Variants in USP24 observed in about 807,000 individuals in gnomAD.
The protein encoded by USP24 is ubiquitin specific peptidase 24, also known as ubiquitin carboxyl-terminal hydrolase 24.
Under a neutral mutation model 361.6 loss-of-function variants are expected in USP24, and 97 were observed. That is an observed-to-expected ratio of 0.27 (90% CI 0.23 to 0.32). The LOEUF is 0.32. Ranked by LOEUF, USP24 falls within the 10% of genes least tolerant of loss-of-function variation. The pLI is 1.00. For missense variants in USP24, 2,353 were observed against 3,165.6 expected (o/e 0.74, Z 6.16); for synonymous variants, 1,098 against 1,124.6 (o/e 0.98, Z 0.47).
At chr1:55,211,051 C>A (rs551115036) in intron 1 of USP24, among the ~76,000 whole-genome samples, 2 of 152,260 alleles carry the variant, frequency 1.3e-5, no homozygotes, top group East Asian at 3.9e-4. Flanking sequence ...GTGAGATGCA[C>A]AGGATACCTG....
rs1401255765 is a variant in USP24 at position 55,083,839 on chromosome 1, T to C, written c.6815A>G (p.Lys2272Arg). 1.2e-6 allele frequency: 2 copies of C among 1,605,960 alleles called. No individual in the cohort carries two copies. Among genetic ancestry groups the C allele is most frequent in the South Asian group, 1.1e-5 (1 of 89,192 alleles). The change falls in exon 57 of 68, where the codon AAA becomes AGA. Residue 2272 changes from lysine to arginine, a missense_variant. By Grantham distance (26) the Lys-to-Arg change is conservative. This residue lies in a region of USP24 where 598 missense variants were observed against 761.9 expected (regional missense o/e 0.78). Transcript: ENST00000294383. Reference protein sequence around the residue: ...LLEVLLALLDKDVPENCKNCA... With the variant: ...LLEVLLALLDRDVPENCKNCA... ...GTTTTTACAATTTTCTGGGACGTCT[T>C]TGTCCAACAGAGCAAGTAGTACCTC...
intron 1 of USP24, among the ~76,000 whole-genome samples, chr1:55,205,769 T>A (rs534546148): frequency 6.6e-6 from 1 of 152,162 alleles, no homozygotes; most frequent in Non-Finnish European, 1.5e-5. Flanking sequence ...TAAAAACTCA[T>A]GAAGGAAAAA....
At chr1:55,146,232 C>T (rs754251360) in intron 19 of USP24, 123 bp from the exon 20 acceptor site, 49 of 572,138 alleles carry the variant, frequency 8.6e-5, no homozygotes, top group Non-Finnish European at 1.2e-4. Flanking sequence ...AAATACCACT[C>T]AAAGCTAAAA....
At chr1:55,172,546 G>A in intron 3 of USP24, 26 bp from the exon 4 acceptor site, 1 of 1,578,606 alleles carries the variant, frequency 6.3e-7, no homozygotes. Flanking sequence ...GGGCAATCTA[G>A]AGTCTAACTT....
intron 28 of USP24, among the ~76,000 whole-genome samples, chr1:55,136,493 G>C (rs1369810284): frequency 6.6e-6 from 1 of 152,206 alleles, no homozygotes; most frequent in Non-Finnish European, 1.5e-5. Context: ...GTAGAGAAGA[G>C]ACTGAACTGG....
chr1:55,070,397 C>G (rs977461284), intron 67 of USP24, among the ~76,000 whole-genome samples: 1 of 152,162 alleles, frequency 6.6e-6, no homozygotes, highest in African/African-American at 2.4e-5. Context: ...AGAGAAGGAA[C>G]AGCCAGAAGG....
intron 55 of USP24, among the ~76,000 whole-genome samples, chr1:55,088,755 C>A (rs1645307200): frequency 1.3e-5 from 2 of 152,178 alleles, no homozygotes; most frequent in Admixed American, 6.5e-5. Context: ...AAATGTTGAA[C>A]TTCCAAGGAC....
At chr1:55,093,819 GT>G in intron 52 of USP24, 117 bp downstream of exon 52, 1 of 1,397,594 alleles carries the variant, frequency 7.2e-7, no homozygotes, top group Non-Finnish European at 9.7e-7. Flanking sequence ...AGACAAGTGT[GT>G]AAGACGATGT....
intron 1 of USP24, among the ~76,000 whole-genome samples, chr1:55,199,296 C>CA (rs776190564): frequency 1.4e-3 from 208 of 148,932 alleles, no homozygotes; most frequent in Admixed American, 2.2e-3. Flanking sequence ...TTCCAAAAAA[C>CA]AAAAAAACAA....
chr1:55,087,357 C>A (rs567728646), intron 55 of USP24, among the ~76,000 whole-genome samples: 3 of 152,316 alleles, frequency 2.0e-5, no homozygotes, highest in Admixed American at 1.3e-4. Flanking sequence ...ACCAAACATA[C>A]TACCCAAAGG....
intron 23 of USP24, 108 bp downstream of exon 23, chr1:55,142,634 T>C (rs949938820): frequency 1.6e-5 from 13 of 809,306 alleles, no homozygotes; most frequent in Admixed American, 6.3e-5. Context: ...AATTCTTCAA[T>C]AGGATCCAGC....
At chr1:55,134,580 A>G (rs1470541559) in intron 28 of USP24, among the ~76,000 whole-genome samples, 167 bp from the exon 29 acceptor site, 1 of 152,220 alleles carries the variant, frequency 6.6e-6, no homozygotes, top group Non-Finnish European at 1.5e-5. Context: ...ACATGGTAAC[A>G]TATTAGACGA....
In USP24 at chr1:55,073,884, A is replaced by G. The variant is rs199933857; in HGVS notation, c.7470T>C (p.His2490=). ...ACTGGTAGCAGCGACTACTGTCCAC[A>G]TGATTACTGTGGTGCATCAAAGCTG... The part of the protein sequence containing the change: ...GLLALMHHSN[H]VDSSRCYQCV... Residue 2490 remains histidine (H), a synonymous_variant, in exon 64 of 68, where the codon CAT becomes CAC. Transcript: ENST00000294383. 324 of 1,579,610 alleles carry G rather than the reference A, an allele frequency of 2.1e-4. No individual in the cohort carries two copies. The East Asian group carries it at 6.7e-3, about 33-fold the overall frequency.
At chr1:55,177,138 C>A (rs1650071399) in intron 2 of USP24, among the ~76,000 whole-genome samples, 1 of 151,222 alleles carries the variant, frequency 6.6e-6, no homozygotes, top group Non-Finnish European at 1.5e-5. Context: ...ACCAAAAAAC[C>A]ACACAAATAT....
chr1:55,127,625 T>A (rs1055288293), intron 32 of USP24, among the ~76,000 whole-genome samples: 3 of 152,164 alleles, frequency 2.0e-5, no homozygotes, highest in African/African-American at 7.2e-5. Context: ...TAGTTCTAGA[T>A]CCCTGAGGAA....
In USP24 at chr1:55,089,659, A is replaced by G; in HGVS notation, c.6636T>C (p.Tyr2212=). ...SFDACQWLVE[Y]FISSEGRELI... ...ATTCTCGTCCTTCAGAACTAATAAA[A>G]TATTCAACTAACCACTGACAAGCAT... The change falls in exon 55 of 68, where the codon TAT becomes TAC. Residue 2212 remains tyrosine (Y), a synonymous_variant. Transcript: ENST00000294383. 1 of 1,599,756 alleles carries G rather than the reference A, an allele frequency of 6.3e-7. No individual in the cohort carries two copies. Among genetic ancestry groups the G allele is most frequent in the Non-Finnish European group, 8.5e-7 (1 of 1,172,252 alleles).
chr1:55,141,790 A>G, intron 23 of USP24, 59 bp from the exon 24 acceptor site: 1 of 1,462,742 alleles, frequency 6.8e-7, no homozygotes, highest in Non-Finnish European at 9.4e-7. Flanking sequence ...CTCTAGTGAC[A>G]TTCTGGACAG....
intron 26 of USP24, 69 bp from the exon 27 acceptor site, chr1:55,137,973 A>G: frequency 7.0e-7 from 1 of 1,433,482 alleles, no homozygotes; most frequent in South Asian, 1.2e-5. Flanking sequence ...CTGTGAGTGA[A>G]CATCTACTAG....
At chr1:55,144,397 C>T (rs188961865) in intron 20 of USP24, among the ~76,000 whole-genome samples, 194 bp from the exon 21 acceptor site, 1 of 152,188 alleles carries the variant, frequency 6.6e-6, no homozygotes, top group African/African-American at 2.4e-5. Context: ...CTTCAAATGA[C>T]ATTAACAAGA....
Sources: gnomAD v4.1 joint callset for allele counts (sites outside exome capture counted in the v4.1 genomes callset) on GRCh38, gnomAD v4.1.1 for gene constraint, gnomAD v4.1.1 regional missense constraint, MANE v1.5 for transcripts, NCBI Gene and HGNC (gene_info 2026-07-23, HGNC 2026-07-21) for gene names.